SYCP2: variants seen among roughly 807,000 people sequenced by gnomAD.
SYCP2 encodes synaptonemal complex lateral element protein.
SYCP2 carries 55 observed loss-of-function variants against 211.3 expected under a neutral mutation model. The ratio of observed to expected loss-of-function variants is 0.26; its 90% CI spans 0.21 to 0.33. The LOEUF is 0.33. Among genes scored for constraint, SYCP2 ranks in the 10% least tolerant of loss-of-function variants. The probability of loss-of-function intolerance (pLI) is 1.00; values close to 1 mark genes in which losing one functional copy is unlikely to be tolerated. For missense variants in SYCP2, 1,731 were observed against 1,752.0 expected (o/e 0.99, Z 0.21); for synonymous variants, 570 against 555.2 (o/e 1.03, Z -0.37).
Position 59,893,379 on chromosome 20 carries a change from C to T in SYCP2, c.1735+145G>A, listed in dbSNP as rs56389308. 3,923 of 763,140 alleles carry T rather than the reference C, an allele frequency of 5.1e-3. 122 individuals carry two copies. In the African/African-American group the frequency reaches 0.063, roughly 12 times the overall value. 47.3% of individuals were successfully genotyped at this position (763,140 alleles called of 1,614,324 possible). ...CAAAGGTGGTATATTTCCTTGTAACCTCAAAAATTCCTTGCACAAAGTCAA... is the reference window on the plus strand; with the variant it reads ...CAAAGGTGGTATATTTCCTTGTAACTTCAAAAATTCCTTGCACAAAGTCAA... On this transcript the variant is annotated intron_variant, in intron 21 of 44. Transcript: ENST00000357552.
intron 2 of SYCP2, among the ~76,000 whole-genome samples, chr20:59,930,605 A>G (rs2060720178): frequency 6.6e-6 from 1 of 152,212 alleles, no homozygotes; most frequent in East Asian, 1.9e-4. Flanking sequence ...ATTCTGTAGT[A>G]GTAAGCAATC....
Position 59,882,718 on chromosome 20 carries a change from G to A in SYCP2, c.2530-553C>T, listed in dbSNP as rs555564893. 2.7e-4 allele frequency among the ~76,000 whole-genome samples: 41 copies of A among 152,204 alleles called. No individual in the cohort carries two copies. In the South Asian group the frequency reaches 8.1e-3, roughly 30 times the overall value. Reference sequence around the variant, plus strand: ...CGCATGTTTTCACTCATAAGTGGGAGCTAAAAAAGTGAATCTTATGGAGAT... The same window carrying A: ...CGCATGTTTTCACTCATAAGTGGGAACTAAAAAAGTGAATCTTATGGAGAT... On this transcript the variant is annotated intron_variant, in intron 26 of 44. Coordinates refer to ENST00000357552, the MANE Select transcript of SYCP2 (RefSeq NM_014258.4).
intron 13 of SYCP2, 90 bp downstream of exon 13, chr20:59,912,283 T>G (rs542930593): frequency 1.7e-6 from 1 of 588,080 alleles, no homozygotes; most frequent in African/African-American, 1.9e-5. Context: ...ACAACTATTT[T>G]TAGTGTTCTT....
In SYCP2 at chr20:59,877,391, T is replaced by A; in HGVS notation, c.3144A>T (p.Pro1048=). Residue 1048 remains proline (P), a synonymous_variant, in exon 33 of 45, where the codon CCA becomes CCT. Transcript: ENST00000357552. The part of the protein sequence containing the change: ...EFSHSFKENI[P]VKEENIHSRM... Reference sequence around the variant, plus strand: ...CTGAACTGTATCTATTTACCTTTACTGGTATGTTCTCTTTAAATGAATGTG... The same window carrying A: ...CTGAACTGTATCTATTTACCTTTACAGGTATGTTCTCTTTAAATGAATGTG... 6.4e-7 allele frequency: 1 copy of A among 1,567,820 alleles called. No homozygotes were observed. The highest frequency in any genetic ancestry group is 8.6e-7 in the Non-Finnish European group (1 of 1,165,408).
chr20:59,904,740 A>G (rs1261724579), intron 15 of SYCP2, among the ~76,000 whole-genome samples: 1 of 152,118 alleles, frequency 6.6e-6, no homozygotes, highest in African/African-American at 2.4e-5. Context: ...GGAAACTTAT[A>G]AAAAAAGATT....
chr20:59,886,462 GTTGTA>G (rs2059790611), intron 25 of SYCP2, among the ~76,000 whole-genome samples: 1 of 151,924 alleles, frequency 6.6e-6, no homozygotes, highest in Non-Finnish European at 1.5e-5. Flanking sequence ...AAAATGGTAT[GTTGTA>G]TTGATGTGTT....
intron 12 of SYCP2, among the ~76,000 whole-genome samples, chr20:59,913,437 T>C (rs1454438550): frequency 6.6e-6 from 1 of 152,160 alleles, no homozygotes; most frequent in Non-Finnish European, 1.5e-5. Context: ...TATGAGGTGC[T>C]AGGCATTGCA....
Position 59,929,848 on chromosome 20 carries a change from AAG to A in SYCP2, c.-47+2212_-47+2213del, listed in dbSNP as rs1320117304. Among the ~76,000 whole-genome samples, 7 of 152,240 alleles carry A rather than the reference AAG, an allele frequency of 4.6e-5. No individual in the cohort carries two copies. The East Asian group carries it at 9.7e-4, about 21-fold the overall frequency. ...AAATGGACCAAAAGACAAAAAAAAAAAGAGAATTTTAATTATTTATTTAGAGG... is the reference window on the plus strand; with the variant it reads ...AAATGGACCAAAAGACAAAAAAAAAAAGAATTTTAATTATTTATTTAGAGG... On this transcript the variant is annotated intron_variant, in intron 2 of 44. Coordinates refer to ENST00000357552, the MANE Select transcript of SYCP2 (RefSeq NM_014258.4).
rs1434427247 is a variant in SYCP2, at chr20:59,915,531, G to A, written c.533C>T (p.Ala178Val). 12 of 1,606,126 alleles carry A rather than the reference G, an allele frequency of 7.5e-6. No homozygotes were observed. Among genetic ancestry groups the A allele is most frequent in the Non-Finnish European group, 1.0e-5 (12 of 1,173,772 alleles). The change falls in exon 9 of 45, where the codon GCT (alanine) becomes GTT (valine). Residue 178 changes from alanine to valine, a missense_variant. Transcript: ENST00000357552. ...IQQEIIKKMN[A>V]MLDKMPQDAR... ...ATCTTGAGGCATTTTGTCAAGCATA[G>A]CATTCATTTTTTTTATAATCTAGAA...
intron 7 of SYCP2, among the ~76,000 whole-genome samples, chr20:59,918,130 C>T (rs917909104): frequency 3.3e-5 from 5 of 152,116 alleles, no homozygotes; most frequent in African/African-American, 1.2e-4. Context: ...TTTTTGATAT[C>T]CAGCACCAAG....
chr20:59,910,374 A>AT (rs898302276), intron 14 of SYCP2, among the ~76,000 whole-genome samples: 13,402 of 76,168 alleles, frequency 0.18, 3,705 homozygotes, highest in African/African-American at 0.31. Flanking sequence ...GTAATTGCTT[A>AT]TTTTTTTTTT....
chr20:59,917,665 GACA>G (rs10599373), intron 7 of SYCP2, among the ~76,000 whole-genome samples: 4,000 of 152,148 alleles, frequency 0.026, 180 homozygotes, highest in African/African-American at 0.091. Context: ...TGGCTCTGAA[GACA>G]ACAAGTACCT....
At position 59,875,319 on chromosome 20, in the gene SYCP2, A is replaced by G; in HGVS notation, c.3301T>C (p.Ser1101Pro). 6.2e-7 allele frequency: 1 copy of G among 1,611,732 alleles called. No individual in the cohort carries two copies. ...GGACTGCCAGATAAAGATCTGGGAG[A>G]TAAGTCAAGGCAATTATCTCGTATA... ...DAIRDNCLDLSPRSLSGSPSS... is the reference protein window; with the variant it reads ...DAIRDNCLDLPPRSLSGSPSS... The change falls in exon 34 of 45, where the codon TCT (serine) becomes CCT (proline). Residue 1101 changes from serine (S) to proline (P), a missense_variant. Transcript: ENST00000357552.
At chr20:59,889,441 TTTAGA>T (rs934919663) in intron 24 of SYCP2, among the ~76,000 whole-genome samples, 5 of 152,126 alleles carry the variant, frequency 3.3e-5, no homozygotes, top group African/African-American at 1.2e-4. Flanking sequence ...CTCAGCATAA[TTTAGA>T]TAACTTAGTT....
At position 59,890,166 on chromosome 20, in the gene SYCP2, T is replaced by C. The variant is rs569447570; in HGVS notation, c.2364+1824A>G. Among the ~76,000 whole-genome samples the C allele has an allele frequency of 4.6e-5, 7 of 152,210 alleles. No homozygotes were observed. In the East Asian group the frequency reaches 9.6e-4, roughly 21 times the overall value. ...AACCAACCCAAATGCCCATCAATGA[T>C]AGACTGGATAAAGAAAACGTGGCAT... On this transcript the variant is annotated intron_variant, in intron 24 of 44. Coordinates refer to ENST00000357552, the MANE Select transcript of SYCP2 (RefSeq NM_014258.4).
At chr20:59,920,565 C>G (rs1416620326) in intron 4 of SYCP2, 78 bp from the exon 5 acceptor site, 7 of 1,152,684 alleles carry the variant, frequency 6.1e-6, no homozygotes, top group African/African-American at 4.7e-5. Context: ...GAGTGTTACA[C>G]ATATATTTTA....
chr20:59,879,882 CATATAA>C (rs1177358749), intron 31 of SYCP2, among the ~76,000 whole-genome samples: 74 of 132,866 alleles, frequency 5.6e-4, no homozygotes, highest in African/African-American at 1.7e-3. Flanking sequence ...CACACACAAA[CATATAA>C]ATATATTTAT....
At position 59,863,772 on chromosome 20, in the gene SYCP2, T is replaced by G. The variant is rs967362885; in HGVS notation, c.*539A>C. The G allele has an allele frequency of 6.6e-6, 1 of 151,978 alleles. No individual in the cohort carries two copies. The highest frequency in any genetic ancestry group is 1.5e-5 in the Non-Finnish European group (1 of 67,888). 9.4% of individuals were successfully genotyped at this position (151,978 alleles called of 1,614,324 possible). A position where few individuals can be genotyped will look rare whatever the true frequency, so the allele number is the denominator to read the frequency against. ...GCAATGTAGTAGCTTTTTTAGGCCATTTAGTGCTTCCTAATACATTAGAGC... is the reference window on the plus strand; with the variant it reads ...GCAATGTAGTAGCTTTTTTAGGCCAGTTAGTGCTTCCTAATACATTAGAGC... On this transcript the variant is annotated 3_prime_UTR_variant, in exon 45 of 45. Transcript: ENST00000357552.
Position 59,900,800 on chromosome 20 carries a change from C to G in SYCP2, c.1201G>C (p.Gly401Arg), listed in dbSNP as rs2060101562. 1 of 1,611,302 alleles carries G rather than the reference C, an allele frequency of 6.2e-7. No homozygotes were observed. Among genetic ancestry groups the G allele is most frequent in the Admixed American group, 1.7e-5 (1 of 59,830 alleles). Residue 401 changes from glycine to arginine, a missense_variant, in exon 17 of 45, where the codon GGT (glycine) becomes CGT (arginine). By Grantham distance (125) the Gly-to-Arg change is moderately radical (BLOSUM62 -2). Around this residue, in one of 3 missense-constraint regions of SYCP2, gnomAD observed 1,387 missense variants for 1,351.3 expected, o/e 1.03. Coordinates refer to ENST00000357552, the MANE Select transcript of SYCP2 (RefSeq NM_014258.4). ...TKHRESIRKQ[G>R]ISVAKTSLHI... ...AGCGACGTTTTGGCAACTGAAATACCTTGTTTTCTGATAGATTCCTAAAAT... is the reference window on the plus strand; with the variant it reads ...AGCGACGTTTTGGCAACTGAAATACGTTGTTTTCTGATAGATTCCTAAAAT...
Sources: allele counts gnomAD v4.1 joint callset (sites outside exome capture counted in the v4.1 genomes callset), GRCh38; gene constraint gnomAD v4.1.1; regional missense constraint gnomAD v4.1.1; transcripts MANE v1.5; gene names NCBI Gene and HGNC (gene_info 2026-07-23, HGNC 2026-07-21).